The following SENP6 variants were observed in gnomAD, a reference collection of about 807,000 sequenced individuals.
The protein encoded by SENP6 is sentrin-specific protease 6.
In SENP6, 41 loss-of-function variants were observed where a neutral mutation model predicts 134.5. The ratio of observed to expected loss-of-function variants is 0.30; its 90% CI spans 0.24 to 0.40. The LOEUF (loss-of-function observed/expected upper bound fraction) is 0.40, where lower values mean the gene tolerates loss of function less well. Among genes scored for constraint, SENP6 ranks in the 10% least tolerant of loss-of-function variants. The probability of loss-of-function intolerance (pLI) is 1.00; values close to 1 mark genes in which losing one functional copy is unlikely to be tolerated. For missense variants in SENP6, 1,248 were observed against 1,312.5 expected, an observed-to-expected ratio of 0.95 and a Z score of 0.76; for synonymous variants, 395 against 429.8, an observed-to-expected ratio of 0.92 and a Z score of 1.00.
chr6:75,709,657 T>A (rs1223633003), intron 20 of SENP6, 27 bp downstream of exon 20: 1 of 1,541,634 alleles, frequency 6.5e-7, no homozygotes, highest in African/African-American at 1.4e-5. Flanking sequence ...GGCAAAAAGT[T>A]CTAATGTTTT....
At chr6:75,711,555 A>G (rs1002747309) in intron 21 of SENP6, 139 bp downstream of exon 21, 22 of 531,418 alleles carry the variant, frequency 4.1e-5, no homozygotes, top group African/African-American at 2.1e-4. Flanking sequence ...AACTTGAGGC[A>G]TGCTATCTAG....
intron 14 of SENP6, 107 bp from the exon 15 acceptor site, chr6:75,678,476 C>T (rs1773242656): frequency 1.6e-6 from 1 of 635,984 alleles, no homozygotes; most frequent in Non-Finnish European, 2.8e-6. Flanking sequence ...TTTAGTTCCA[C>T]ATTTTTAATC....
chr6:75,706,983 T>C (rs1298293737), intron 19 of SENP6, among the ~76,000 whole-genome samples: 1 of 152,208 alleles, frequency 6.6e-6, no homozygotes, highest in Non-Finnish European at 1.5e-5. Flanking sequence ...ATGGTCTCCT[T>C]ATATGAGAAG....
chr6:75,620,305 T>G (rs1768171933), intron 1 of SENP6, among the ~76,000 whole-genome samples: 1 of 152,182 alleles, frequency 6.6e-6, no homozygotes. Context: ...ATTTCCTGTC[T>G]TAGTTCATTC....
Position 75,681,687 on chromosome 6 carries a change from G to A in SENP6, c.2075+2760G>A, listed in dbSNP as rs915236296. On this transcript the variant is annotated intron_variant, in intron 16 of 23. Transcript: ENST00000447266. The stretch of plus-strand genomic sequence containing the variant: ...CTGATACAGCATCCATCATAAAAAT[G>A]TTTTAATGAACATGATGACAACTCT... 2.2e-4 allele frequency among the ~76,000 whole-genome samples: 33 copies of A among 152,046 alleles called. 2 individuals are homozygous for A. The highest frequency in any genetic ancestry group is 2.9e-5 in the Non-Finnish European group (2 of 68,008).
chr6:75,609,382 T>C (rs1054951018), intron 1 of SENP6, among the ~76,000 whole-genome samples: 1 of 152,216 alleles, frequency 6.6e-6, no homozygotes, highest in African/African-American at 2.4e-5. Context: ...CACAAATCTC[T>C]TGAGGCCCAA....
At chr6:75,629,542 C>T (rs1191549549) in intron 3 of SENP6, among the ~76,000 whole-genome samples, 4 of 152,140 alleles carry the variant, frequency 2.6e-5, no homozygotes, top group East Asian at 1.9e-4. Context: ...TCAGGTGATC[C>T]GCCCACCTTG....
At position 75,713,594 on chromosome 6, in the gene SENP6, T is replaced by C. The variant is rs1319008203; in HGVS notation, c.2978+13T>C. 1 of 1,611,734 alleles carries C rather than the reference T, an allele frequency of 6.2e-7. No individual in the cohort carries two copies. Among genetic ancestry groups the C allele is most frequent in the Non-Finnish European group, 8.5e-7 (1 of 1,178,008 alleles). Reference sequence around the variant, plus strand: ...AAATTTTAAGAGAGTAAGTTCACACTTTATTTCGTATTCTGATGGGGATGA... The same window carrying C: ...AAATTTTAAGAGAGTAAGTTCACACCTTATTTCGTATTCTGATGGGGATGA... On this transcript the variant is annotated intron_variant, in intron 22 of 23. Coordinates refer to ENST00000447266, the MANE Select transcript of SENP6 (RefSeq NM_015571.4).
intron 1 of SENP6, among the ~76,000 whole-genome samples, chr6:75,619,803 A>G (rs1768128163): frequency 1.3e-5 from 2 of 152,156 alleles, no homozygotes; most frequent in South Asian, 4.1e-4. Context: ...AAAAGTAAAT[A>G]ATAGCAGCCA....
At chr6:75,662,548 GAGTT>G (rs1409121259) in intron 8 of SENP6, among the ~76,000 whole-genome samples, 2 of 152,240 alleles carry the variant, frequency 1.3e-5, no homozygotes, top group East Asian at 1.9e-4. Context: ...AGTTTTTAGA[GAGTT>G]AGGTTAATAA....
chr6:75,636,586 A>G lies in SENP6; in HGVS notation c.458+1775A>G, dbSNP rs576042390. 8.5e-5 allele frequency among the ~76,000 whole-genome samples: 13 copies of G among 152,330 alleles called. 1 individual carries two copies. The South Asian group carries it at 2.5e-3, about 29-fold the overall frequency. On this transcript the variant is annotated intron_variant, in intron 5 of 23. Transcript: ENST00000447266. ...AGGGTACAGAAAGACAAGTAAACAA[A>G]TGATTACATGCATGGTTAGGGCAGC...
intron 9 of SENP6, among the ~76,000 whole-genome samples, chr6:75,663,819 T>TTGGGGG (rs1771965280): frequency 1.1e-5 from 1 of 90,770 alleles, no homozygotes; most frequent in African/African-American, 5.7e-5. Context: ...TTTTTTTTTT[T>TTGGGGG]GTGGGGGGGG....
chr6:75,640,762 T>G (rs1349629769), intron 6 of SENP6, 58 bp downstream of exon 6: 1 of 1,090,462 alleles, frequency 9.2e-7, no homozygotes, highest in Non-Finnish European at 1.3e-6. Context: ...ATAAAATTAT[T>G]TATATGTTTT....
intron 16 of SENP6, among the ~76,000 whole-genome samples, chr6:75,694,461 A>G (rs925322016): frequency 1.3e-5 from 2 of 152,258 alleles, no homozygotes; most frequent in African/African-American, 4.8e-5. Context: ...AATACATATA[A>G]CATACAATTC....
intron 1 of SENP6, among the ~76,000 whole-genome samples, chr6:75,619,196 C>A (rs1343797815): frequency 6.6e-6 from 1 of 152,130 alleles, no homozygotes; most frequent in Non-Finnish European, 1.5e-5. Context: ...TCATCATAAA[C>A]AAGAACTGTG....
chr6:75,609,980 G>T (rs1318843916), intron 1 of SENP6, among the ~76,000 whole-genome samples: 1 of 152,072 alleles, frequency 6.6e-6, no homozygotes, highest in Admixed American at 6.5e-5. Flanking sequence ...TAGAGATGGG[G>T]TTTCTCCATG....
chr6:75,693,237 TAAA>T (rs567129122), intron 16 of SENP6, among the ~76,000 whole-genome samples: 1 of 146,716 alleles, frequency 6.8e-6, no homozygotes, highest in African/African-American at 2.5e-5. Flanking sequence ...TGGCCTCTAC[TAAA>T]AAAAAAATAC....
intron 18 of SENP6, among the ~76,000 whole-genome samples, chr6:75,699,370 T>TG (rs1197502716): frequency 6.9e-6 from 1 of 144,602 alleles, no homozygotes; most frequent in African/African-American, 2.6e-5. Flanking sequence ...TTTTTTTTTT[T>TG]TTTTGAAGAG....
At position 75,633,874 on chromosome 6, in the gene SENP6, C is replaced by A. The variant is rs1769301674; in HGVS notation, c.353+148C>A. On this transcript the variant is annotated intron_variant, in intron 4 of 23. Coordinates refer to ENST00000447266, the MANE Select transcript of SENP6 (RefSeq NM_015571.4). ...GTAGCATGGTCCCAGTATGTGGATT[C>A]TTTGCTTTGAATCTTAGGAGTAGGA... 1.7e-5 allele frequency: 9 copies of A among 528,756 alleles called. No homozygotes were observed. In the South Asian group the frequency reaches 3.8e-4, roughly 23 times the overall value. The allele number at this position is 528,756 out of a possible 1,614,324, so 32.8% of individuals were successfully genotyped here. A position where few individuals can be genotyped will look rare whatever the true frequency, so the allele number is the denominator to read the frequency against.
Sources: allele counts gnomAD v4.1 joint callset (sites outside exome capture counted in the v4.1 genomes callset), GRCh38; gene constraint gnomAD v4.1.1; transcripts MANE v1.5; gene names NCBI Gene and HGNC (gene_info 2026-07-23, HGNC 2026-07-21).